Variants in CADM2 observed in about 807,000 individuals in gnomAD.
CADM2 encodes immunoglobulin superfamily member 4D.
In CADM2, 12 loss-of-function variants were observed where a neutral mutation model predicts 49.8. The observed-to-expected ratio is 0.24, with a 90% CI of 0.15 to 0.39. CADM2 has a LOEUF of 0.39. Among genes scored for constraint, CADM2 ranks in the 10% least tolerant of loss-of-function variants. The pLI is 1.00. For missense variants in CADM2, 378 were observed against 492.3 expected, an observed-to-expected ratio of 0.77 and a Z score of 2.20; for synonymous variants, 214 against 175.4, an observed-to-expected ratio of 1.22 and a Z score of -1.74.
At chr3:86,061,252 G>C (rs1738611157) in intron 8 of CADM2, among the ~76,000 whole-genome samples, 1 of 151,812 alleles carries the variant, frequency 6.6e-6, no homozygotes, top group Non-Finnish European at 1.5e-5. Context: ...GTTATATTTT[G>C]ATTCTTCCAA....
At chr3:85,993,706 A>G (rs1051065370) in intron 8 of CADM2, 1 of 152,214 alleles carries the variant, frequency 6.6e-6, no homozygotes, top group Non-Finnish European at 1.5e-5. Context: ...TGAAAACAAC[A>G]TTAATGACCT....
chr3:85,604,868 T>C (rs2063504805), intron 1 of CADM2, among the ~76,000 whole-genome samples: 1 of 152,000 alleles, frequency 6.6e-6, no homozygotes, highest in African/African-American at 2.4e-5. Context: ...CATGCCACTT[T>C]ACGCTTATAT....
chr3:84,995,524 G>C (rs1575995702), intron 1 of CADM2, among the ~76,000 whole-genome samples: 2 of 152,282 alleles, frequency 1.3e-5, no homozygotes, highest in East Asian at 1.9e-4. Context: ...TGGAATCCTA[G>C]CGATGTGTAA....
intron 1 of CADM2, among the ~76,000 whole-genome samples, chr3:85,448,938 T>C (rs2037607043): frequency 1.3e-5 from 2 of 151,454 alleles, no homozygotes; most frequent in Non-Finnish European, 1.5e-5. Flanking sequence ...TAATCCCAGC[T>C]ACGTTGGTGG....
At chr3:85,494,077 T>C (rs905516004) in intron 1 of CADM2, among the ~76,000 whole-genome samples, 4 of 152,158 alleles carry the variant, frequency 2.6e-5, no homozygotes, top group African/African-American at 9.7e-5. Flanking sequence ...AAAAATCAAC[T>C]TTTCTTTATA....
chr3:85,428,666 C>A (rs1207927395), intron 1 of CADM2, among the ~76,000 whole-genome samples: 2 of 142,710 alleles, frequency 1.4e-5, no homozygotes, highest in African/African-American at 2.6e-5. Flanking sequence ...TATAATATAT[C>A]ATATATAATA....
At chr3:85,051,093 T>C (rs2035865544) in intron 1 of CADM2, among the ~76,000 whole-genome samples, 1 of 152,208 alleles carries the variant, frequency 6.6e-6, no homozygotes, top group Non-Finnish European at 1.5e-5. Flanking sequence ...GGATTCAGAA[T>C]GGCTTGATGA....
intron 1 of CADM2, among the ~76,000 whole-genome samples, chr3:85,587,018 T>C (rs1407463248): frequency 1.3e-5 from 2 of 152,094 alleles, no homozygotes; most frequent in Non-Finnish European, 2.9e-5. Flanking sequence ...GGGATTCATT[T>C]TGATAAAGTT....
At chr3:85,576,405 G>A (rs1313266319) in intron 1 of CADM2, among the ~76,000 whole-genome samples, 1 of 152,098 alleles carries the variant, frequency 6.6e-6, no homozygotes. Flanking sequence ...CATCAAATTT[G>A]TATTCCTGCT....
At chr3:85,204,815 A>G (rs933204436) in intron 1 of CADM2, among the ~76,000 whole-genome samples, 3 of 152,088 alleles carry the variant, frequency 2.0e-5, no homozygotes, top group Admixed American at 1.3e-4. Context: ...AATTTGTACT[A>G]CTATCTTTTT....
At chr3:85,631,086 C>T (rs2064291719) in intron 1 of CADM2, among the ~76,000 whole-genome samples, 1 of 151,982 alleles carries the variant, frequency 6.6e-6, no homozygotes, top group Non-Finnish European at 1.5e-5. Flanking sequence ...ACATATATGC[C>T]TACCATGGGG....
At chr3:84,965,410 G>C (rs2030901307) in intron 1 of CADM2, among the ~76,000 whole-genome samples, 1 of 152,176 alleles carries the variant, frequency 6.6e-6, no homozygotes, top group Non-Finnish European at 1.5e-5. Flanking sequence ...TTCATAGCTT[G>C]TAGTGGACAT....
intron 8 of CADM2, among the ~76,000 whole-genome samples, chr3:85,977,470 A>T (rs1726938307): frequency 6.6e-6 from 1 of 151,576 alleles, no homozygotes; most frequent in Non-Finnish European, 1.5e-5. Context: ...TTGAGATCCT[A>T]ATCAGCAAAT....
chr3:85,574,022 G>A (rs953241191), intron 1 of CADM2, among the ~76,000 whole-genome samples: 4 of 152,172 alleles, frequency 2.6e-5, no homozygotes, highest in African/African-American at 4.8e-5. Flanking sequence ...ATGTATCCAT[G>A]AGACATTTCA....
At chr3:85,536,710 G>T (rs17457189) in intron 1 of CADM2, among the ~76,000 whole-genome samples, 2 of 151,700 alleles carry the variant, frequency 1.3e-5, no homozygotes, top group African/African-American at 4.8e-5. Context: ...GTAATTCAGA[G>T]ATTTGTTGTT....
intron 8 of CADM2, among the ~76,000 whole-genome samples, chr3:85,963,806 A>G (rs1725139726): frequency 6.6e-6 from 1 of 151,872 alleles, no homozygotes; most frequent in South Asian, 2.1e-4. Flanking sequence ...TCTAATAAAT[A>G]CTTCCCTAAG....
chr3:85,736,525 C>G (rs2068145534), intron 2 of CADM2, among the ~76,000 whole-genome samples: 2 of 152,078 alleles, frequency 1.3e-5, no homozygotes, highest in African/African-American at 4.8e-5. Flanking sequence ...TAAAAGACAG[C>G]AAGTAGAGTT....
At chr3:85,275,453 A>T (rs2043335188) in intron 1 of CADM2, among the ~76,000 whole-genome samples, 1 of 151,616 alleles carries the variant, frequency 6.6e-6, no homozygotes, top group African/African-American at 2.4e-5. Flanking sequence ...TTATGTAGAT[A>T]GAAAACTAAA....
intron 3 of CADM2, among the ~76,000 whole-genome samples, chr3:85,830,377 C>T (rs1553693819): frequency 6.6e-6 from 1 of 151,814 alleles, no homozygotes; most frequent in Non-Finnish European, 1.5e-5. Flanking sequence ...TATTTGTTTT[C>T]TTTTTGCCAT....
Sources: allele counts gnomAD v4.1 joint callset (sites outside exome capture counted in the v4.1 genomes callset), GRCh38; gene constraint gnomAD v4.1.1; transcripts MANE v1.5; gene names NCBI Gene and HGNC (gene_info 2026-07-23, HGNC 2026-07-21).